The following SNX5 variants were observed in gnomAD, a reference collection of about 807,000 sequenced individuals.
The protein encoded by SNX5 is sorting nexin 5.
A neutral mutation model predicts 53.9 loss-of-function variants in SNX5; 31 were observed. The observed-to-expected ratio is 0.58, with a 90% CI of 0.43 to 0.78. SNX5 has a LOEUF of 0.78. SNX5 is among the 30% of genes least tolerant of loss of function. The probability of loss-of-function intolerance (pLI) is 0.00; values close to 1 mark genes in which losing one functional copy is unlikely to be tolerated. For missense variants in SNX5, 471 were observed against 478.8 expected, an observed-to-expected ratio of 0.98 and a Z score of 0.15; for synonymous variants, 168 against 171.1, an observed-to-expected ratio of 0.98 and a Z score of 0.14.
In SNX5 at chr20:17,968,589, C is replaced by A; in HGVS notation, c.-164G>T. 1.5e-6 allele frequency: 1 copy of A among 665,424 alleles called. No individual in the cohort carries two copies. The highest frequency in any genetic ancestry group is 2.5e-5 in the Admixed American group (1 of 39,752). 41.2% of individuals were successfully genotyped at this position (665,424 alleles called of 1,614,324 possible). ...AGGCCTCCGGACTCCGCCACCATCC[C>A]AGCTGCCCCGGGAGCAGGCGAGCAG... On this transcript the variant is annotated 5_prime_UTR_variant, in exon 1 of 13. Coordinates refer to ENST00000377759, the MANE Select transcript of SNX5 (RefSeq NM_014426.4).
At chr20:17,965,072 G>A (rs2035516389) in intron 1 of SNX5, among the ~76,000 whole-genome samples, 1 of 152,164 alleles carries the variant, frequency 6.6e-6, no homozygotes, top group Non-Finnish European at 1.5e-5. Context: ...AAGATTAATA[G>A]AAAACCTGAA....
rs1354963124 is a variant in SNX5, at chr20:17,950,046, G to GTAGTC, written c.791+81_791+85dup. The GTAGTC allele has an allele frequency of 1.8e-5, 20 of 1,114,784 alleles. No individual in the cohort carries two copies. In the East Asian group the frequency reaches 4.6e-4, roughly 25 times the overall value. 69.1% of individuals were successfully genotyped at this position (1,114,784 alleles called of 1,614,324 possible). A position where few individuals can be genotyped will look rare whatever the true frequency, so the allele number is the denominator to read the frequency against. ...GCTTGTAACTCCAGAGCAGGACCAT[G>GTAGTC]TAGTCACTACTCATTTATGCTTTTA... On this transcript the variant is annotated intron_variant, in intron 8 of 12. Coordinates refer to ENST00000377759, the MANE Select transcript of SNX5 (RefSeq NM_014426.4).
chr20:17,945,953 T>C (rs916292440), intron 11 of SNX5, among the ~76,000 whole-genome samples: 57 of 152,316 alleles, frequency 3.7e-4, no homozygotes, highest in African/African-American at 1.3e-3. Flanking sequence ...GTTAGGGGGT[T>C]GGGATTGAGT....
At chr20:17,953,361 C>CA (rs1484861916) in intron 4 of SNX5, among the ~76,000 whole-genome samples, 4 of 152,138 alleles carry the variant, frequency 2.6e-5, no homozygotes, top group African/African-American at 9.7e-5. Context: ...AGAAACTTTC[C>CA]AAAAATCTAT....
chr20:17,947,453 T>C (rs1168364994), intron 11 of SNX5, 33 bp downstream of exon 11: 2 of 1,596,824 alleles, frequency 1.3e-6, no homozygotes, highest in African/African-American at 2.7e-5. Context: ...TATTTTCAAA[T>C]TACAGTACAG....
intron 1 of SNX5, among the ~76,000 whole-genome samples, chr20:17,962,546 G>A (rs1420544013): frequency 6.9e-6 from 1 of 145,318 alleles, no homozygotes; most frequent in East Asian, 2.0e-4. Flanking sequence ...CCTAGCCATT[G>A]GTTCTCCCCT....
At chr20:17,962,670 T>C (rs749231407) in intron 1 of SNX5, 1 of 486,118 alleles carries the variant, frequency 2.1e-6, no homozygotes, top group South Asian at 1.5e-5. Context: ...TTAAAGCTAC[T>C]CAGGCATCGG....
chr20:17,942,166 T>C lies in SNX5; in HGVS notation c.*191A>G, dbSNP rs1461466609. 1 of 571,698 alleles carries C rather than the reference T, an allele frequency of 1.7e-6. No individual in the cohort carries two copies. The highest frequency in any genetic ancestry group is 3.1e-6 in the Non-Finnish European group (1 of 320,460). The allele number at this position is 571,698 out of a possible 1,614,324, so 35.4% of individuals were successfully genotyped here. On this transcript the variant is annotated 3_prime_UTR_variant, in exon 13 of 13. Transcript: ENST00000377759. ...TAAATGCACAAGGAAAAATTAGTTATGTCCAAGTAGCAAGCAATAATATTT... is the reference window on the plus strand; with the variant it reads ...TAAATGCACAAGGAAAAATTAGTTACGTCCAAGTAGCAAGCAATAATATTT...
At chr20:17,964,805 G>A (rs1047343314) in intron 1 of SNX5, among the ~76,000 whole-genome samples, 8 of 152,126 alleles carry the variant, frequency 5.3e-5, no homozygotes, top group Non-Finnish European at 1.2e-4. Flanking sequence ...ACAGAAAAAT[G>A]CTGAAACAGC....
intron 1 of SNX5, among the ~76,000 whole-genome samples, chr20:17,965,270 C>T (rs2035519058): frequency 1.3e-5 from 2 of 152,218 alleles, no homozygotes; most frequent in African/African-American, 4.8e-5. Flanking sequence ...TCACATCCTA[C>T]AACCCAGAGG....
chr20:17,966,871 C>T (rs576618755), intron 1 of SNX5, among the ~76,000 whole-genome samples: 1 of 152,296 alleles, frequency 6.6e-6, no homozygotes, highest in South Asian at 2.1e-4. Flanking sequence ...CTAGGCCAGA[C>T]CACAGCAGGT....
intron 2 of SNX5, among the ~76,000 whole-genome samples, chr20:17,956,331 G>A (rs2035355732): frequency 6.6e-6 from 1 of 152,168 alleles, no homozygotes; most frequent in African/African-American, 2.4e-5. Flanking sequence ...AGCCGCCCAG[G>A]CGTTAAGAAA....
rs200791343 is a variant in SNX5 at position 17,964,233 on chromosome 20, G to A, written c.51+4142C>T. ...TCTTGAAAGAAAAAGTGAAAACCCT[G>A]ACAAGGGAGCCATCTGGATTTGTAT... is the stretch of plus-strand genomic sequence containing the variant. On this transcript the variant is annotated intron_variant, in intron 1 of 12. Transcript: ENST00000377759. Among the ~76,000 whole-genome samples, 3 of 152,288 alleles carry A rather than the reference G, an allele frequency of 2.0e-5. No individual in the cohort carries two copies. In the East Asian group the frequency reaches 5.8e-4, roughly 29 times the overall value.
intron 11 of SNX5, chr20:17,945,262 C>T (rs2039471816): frequency 6.6e-6 from 1 of 152,260 alleles, no homozygotes. Flanking sequence ...ATACACTTAA[C>T]TATTCACCTC....
intron 8 of SNX5, among the ~76,000 whole-genome samples, chr20:17,949,336 C>T (rs1280927794): frequency 6.6e-6 from 1 of 152,206 alleles, no homozygotes; most frequent in Non-Finnish European, 1.5e-5. Flanking sequence ...CTTCGGTCAT[C>T]CTGCCATGCG....
At position 17,952,668 on chromosome 20, in the gene SNX5, T is replaced by C; in HGVS notation, c.432A>G (p.Glu144=). The part of the protein sequence containing the change: ...AVFKKTVSSH[E]VFLQRLSSHP... Reference sequence around the variant, plus strand: ...GAGAAGAAAGCCGCTGAAGAAAGACTTCATGGGAGGACACAGTCTTCTTAA... The same window carrying C: ...GAGAAGAAAGCCGCTGAAGAAAGACCTCATGGGAGGACACAGTCTTCTTAA... The change falls in exon 5 of 13, where the codon GAA becomes GAG. Residue 144 remains glutamate (E), a synonymous_variant. Transcript: ENST00000377759. 6.2e-7 allele frequency: 1 copy of C among 1,614,080 alleles called. No homozygotes were observed. The highest frequency in any genetic ancestry group is 1.7e-5 in the Admixed American group (1 of 60,000).
intron 1 of SNX5, 51 bp downstream of exon 1, chr20:17,968,324 C>T (rs1355240253): frequency 8.1e-7 from 1 of 1,237,952 alleles, no homozygotes; most frequent in Non-Finnish European, 1.0e-6. Flanking sequence ...GCAGCGACCC[C>T]GGAGCTCGCA....
intron 1 of SNX5, chr20:17,968,149 C>T (rs1320997949): frequency 7.5e-6 from 3 of 402,364 alleles, no homozygotes; most frequent in South Asian, 1.3e-4. Flanking sequence ...GCTAAGGTCC[C>T]GCGTCTCTGG....
intron 8 of SNX5, among the ~76,000 whole-genome samples, 177 bp from the exon 9 acceptor site, chr20:17,949,280 C>T (rs951092081): frequency 2.6e-5 from 4 of 152,180 alleles, no homozygotes; most frequent in African/African-American, 9.7e-5. Flanking sequence ...AAAATGGTCA[C>T]AAAATTACAC....
Sources: allele counts gnomAD v4.1 joint callset (sites outside exome capture counted in the v4.1 genomes callset), GRCh38; gene constraint gnomAD v4.1.1; transcripts MANE v1.5; gene names NCBI Gene and HGNC (gene_info 2026-07-23, HGNC 2026-07-21).